PRMT1: variants seen among roughly 807,000 people sequenced by gnomAD.
The protein encoded by PRMT1 is protein arginine methyltransferase 1.
PRMT1 carries 5 observed loss-of-function variants against 47.4 expected under a neutral mutation model. That is an observed-to-expected ratio of 0.11 (90% CI 0.06 to 0.22). The LOEUF (loss-of-function observed/expected upper bound fraction) is 0.22. Among genes scored for constraint, PRMT1 ranks in the 10% least tolerant of loss-of-function variants. The probability of loss-of-function intolerance (pLI) is 1.00; values close to 1 mark genes in which losing one functional copy is unlikely to be tolerated. For missense variants in PRMT1, 249 were observed against 518.4 expected, an observed-to-expected ratio of 0.48 and a Z score of 5.05; for synonymous variants, 227 against 204.6, an observed-to-expected ratio of 1.11 and a Z score of -0.94.
rs781119049 is a variant in PRMT1 at position 49,684,724 on chromosome 19, C to A, written c.556-30C>A. ...CTCAGGGTAGTGTTGCCAGGCCCCACCCTTCATGCCTCGCCCTGCCCCTCT... is the reference window on the plus strand; with the variant it reads ...CTCAGGGTAGTGTTGCCAGGCCCCAACCTTCATGCCTCGCCCTGCCCCTCT... On this transcript the variant is annotated intron_variant, in intron 6 of 10. Coordinates refer to ENST00000454376, the MANE Select transcript of PRMT1 (RefSeq NM_001536.6). The surrounding 1 kb of genome is among the most constrained non-coding windows in gnomAD (Gnocchi z 6.2). 31 of 1,545,948 alleles carry A rather than the reference C, an allele frequency of 2.0e-5. No individual in the cohort carries two copies. The highest frequency in any genetic ancestry group is 4.9e-5 in the East Asian group (2 of 40,910).
intron 5 of PRMT1, among the ~76,000 whole-genome samples, chr19:49,682,639 A>G (rs1259157212): frequency 3.3e-5 from 5 of 152,172 alleles, no homozygotes; most frequent in Non-Finnish European, 7.3e-5. Context: ...ATTCTCGTGC[A>G]TAATTTTCAC....
chr19:49,682,349 A>G (rs1166331599), intron 5 of PRMT1, 90 bp downstream of exon 5: 1 of 1,360,154 alleles, frequency 7.4e-7, no homozygotes, highest in Non-Finnish European at 1.0e-6. Context: ...GGGTCTACAG[A>G]TGACCACAGA....
chr19:49,687,981 T>G, intron 10 of PRMT1, 181 bp from the exon 11 acceptor site: 1 of 649,012 alleles, frequency 1.5e-6, no homozygotes. Context: ...GGGGTGTCCA[T>G]GTGGTGCTGT....
chr19:49,684,098 C>G lies in PRMT1; in HGVS notation c.555+29C>G, dbSNP rs753167018. 5 of 1,612,376 alleles carry G rather than the reference C, an allele frequency of 3.1e-6. No homozygotes were observed. Among genetic ancestry groups the G allele is most frequent in the Non-Finnish European group, 2.5e-6 (3 of 1,178,722 alleles). The stretch of plus-strand genomic sequence containing the variant: ...AGGCCCCAGCGGGACGGGTGCAGCT[C>G]GCGTGGGCTGGGGTCCAGGTAGAAG... On this transcript the variant is annotated intron_variant, in intron 6 of 10. Coordinates refer to ENST00000454376, the MANE Select transcript of PRMT1 (RefSeq NM_001536.6). The surrounding 1 kb of genome is among the most constrained non-coding windows in gnomAD (Gnocchi z 6.2).
intron 1 of PRMT1, among the ~76,000 whole-genome samples, chr19:49,678,896 T>C (rs2082075457): frequency 6.6e-6 from 1 of 150,918 alleles, no homozygotes; most frequent in Admixed American, 6.6e-5. Flanking sequence ...TTTTTTTTTT[T>C]TTTTTGAGAC....
chr19:49,680,510 CAGTG>C lies in PRMT1; in HGVS notation c.117_120del (p.Ser39ArgfsTer8). 1 of 1,614,068 alleles carries C rather than the reference CAGTG, an allele frequency of 6.2e-7. No individual in the cohort carries two copies. The highest frequency in any genetic ancestry group is 8.5e-7 in the Non-Finnish European group (1 of 1,179,968). ...AGGTGTCCTGTGGCCAGGCGGAAAG[CAGTG>C]AGAAGCCCAACGCTGAGGACATGAC... is the stretch of plus-strand genomic sequence containing the variant. On this transcript the variant is annotated frameshift_variant, in exon 3 of 11. Transcript: ENST00000454376. LOFTEE classifies it high-confidence loss of function. This position sits in a 1 kb window ranked among gnomAD's most constrained non-coding sequence, Gnocchi z 4.2.
chr19:49,682,399 C>A, intron 5 of PRMT1, 140 bp downstream of exon 5: 1 of 879,100 alleles, frequency 1.1e-6, no homozygotes, highest in Non-Finnish European at 1.8e-6. Flanking sequence ...GGCTGCCGGC[C>A]GCCTGAGAAT....
upstream of PRMT1, chr19:49,676,354 T>C (rs778908175): frequency 6.6e-6 from 1 of 152,258 alleles, no homozygotes; most frequent in East Asian, 1.9e-4. Context: ...AGGAACTTTT[T>C]CTGCAAATCA....
rs1040169076 is a variant in PRMT1 at position 49,681,175 on chromosome 19, G to C, written c.192+587G>C. 6.6e-6 allele frequency among the ~76,000 whole-genome samples: 1 copy of C among 152,152 alleles called. No homozygotes were observed. The highest frequency in any genetic ancestry group is 2.4e-5 in the African/African-American group (1 of 41,440). On this transcript the variant is annotated intron_variant, in intron 3 of 10. Transcript: ENST00000454376. This position sits in a 1 kb window ranked among gnomAD's most constrained non-coding sequence, Gnocchi z 4.4. ...GGTGATCCCCCCACTTCCACTTTCG[G>C]AGTAGCTGGGACCACAGGCGCGCGC...
intron 1 of PRMT1, chr19:49,678,128 GTGTCC>G (rs2082064620): frequency 6.6e-6 from 1 of 152,144 alleles, no homozygotes. Flanking sequence ...TTCATGGGGC[GTGTCC>G]TGAAGCCCAC....
chr19:49,680,097 C>A lies in PRMT1; in HGVS notation c.90+172C>A. On this transcript the variant is annotated intron_variant, in intron 2 of 10. Coordinates refer to ENST00000454376, the MANE Select transcript of PRMT1 (RefSeq NM_001536.6). The surrounding 1 kb of genome is among the most constrained non-coding windows in gnomAD (Gnocchi z 4.2). ...CCTCCAGGTTCACAGCCCCCGCTGG[C>A]CTCCCCCAGTATCGCCGCTACTTCC... 2 of 1,087,800 alleles carry A rather than the reference C, an allele frequency of 1.8e-6. No individual in the cohort carries two copies. Among genetic ancestry groups the A allele is most frequent in the Non-Finnish European group, 2.7e-6 (2 of 730,432 alleles). 67.4% of individuals were successfully genotyped at this position (1,087,800 alleles called of 1,614,324 possible). A position where few individuals can be genotyped will look rare whatever the true frequency, so the allele number is the denominator to read the frequency against.
chr19:49,686,734 T>TC lies in PRMT1; in HGVS notation c.1032+10dup, dbSNP rs1276550986. ...CCCAACGCCAAGAACAACGTGAGGCTCCGGGCAGCTGGGTGGGAGGGTGGC... is the reference window on the plus strand; with the variant it reads ...CCCAACGCCAAGAACAACGTGAGGCTCCCGGGCAGCTGGGTGGGAGGGTGGC... On this transcript the variant is annotated intron_variant, in intron 10 of 10. Transcript: ENST00000454376. 4 of 1,556,090 alleles carry TC rather than the reference T, an allele frequency of 2.6e-6. No homozygotes were observed. The highest frequency in any genetic ancestry group is 3.5e-6 in the Non-Finnish European group (4 of 1,144,816).
At position 49,681,874 on chromosome 19, in the gene PRMT1, G is replaced by T; in HGVS notation, c.193-36G>T. 1 of 1,589,442 alleles carries T rather than the reference G, an allele frequency of 6.3e-7. No homozygotes were observed. Among genetic ancestry groups the T allele is most frequent in the Non-Finnish European group, 8.6e-7 (1 of 1,163,564 alleles). On this transcript the variant is annotated intron_variant, in intron 3 of 10. Transcript: ENST00000454376. This position sits in a 1 kb window ranked among gnomAD's most constrained non-coding sequence, Gnocchi z 4.4. ...GCTGTTCTCCAGCTGGGGATATGGG[G>T]CCCCTCACGGCGTCTCTGTGCCATT... is the stretch of plus-strand genomic sequence containing the variant.
intron 9 of PRMT1, 67 bp downstream of exon 9, chr19:49,686,310 A>G: frequency 6.7e-7 from 1 of 1,503,214 alleles, no homozygotes; most frequent in Non-Finnish European, 8.9e-7. Context: ...CACGTAGTGG[A>G]GGGGGTGACA....
intron 10 of PRMT1, among the ~76,000 whole-genome samples, chr19:49,687,659 T>C (rs1280484090): frequency 6.6e-6 from 1 of 151,950 alleles, no homozygotes; most frequent in Non-Finnish European, 1.5e-5. Context: ...CAAAGACTCA[T>C]GCAGCCCCCG....
rs2082177849 is a variant in PRMT1 at position 49,684,665 on chromosome 19, G to C, written c.556-89G>C. On this transcript the variant is annotated intron_variant, in intron 6 of 10. Transcript: ENST00000454376. This position sits in a 1 kb window ranked among gnomAD's most constrained non-coding sequence, Gnocchi z 6.2. ...GCCGCTGCGACATGAGGGTGGCCCA[G>C]ACCAGGGCAGGAGGCCACATCTTGG... The C allele has an allele frequency of 7.1e-7, 1 of 1,409,022 alleles. No individual in the cohort carries two copies. 87.3% of individuals were successfully genotyped at this position (1,409,022 alleles called of 1,614,324 possible).
intron 8 of PRMT1, 46 bp from the exon 9 acceptor site, chr19:49,686,047 G>T (rs1291369830): frequency 6.3e-7 from 1 of 1,584,508 alleles, no homozygotes; most frequent in South Asian, 1.2e-5. Flanking sequence ...AGGGGATGAA[G>T]CGAGGTGGGG....
chr19:49,682,740 G>A (rs955343088), intron 5 of PRMT1, among the ~76,000 whole-genome samples: 8 of 149,168 alleles, frequency 5.4e-5, no homozygotes, highest in Middle Eastern at 3.6e-3. Flanking sequence ...TGCGGCATCC[G>A]CTCTTTTGCA....
chr19:49,682,149 TG>T, intron 4 of PRMT1, 46 bp from the exon 5 acceptor site: 3 of 1,613,590 alleles, frequency 1.9e-6, no homozygotes, highest in Non-Finnish European at 2.5e-6. Flanking sequence ...ATGGAGGTGA[TG>T]GGGGCAGGGG....
Sources: gnomAD v4.1 joint callset for allele counts (sites outside exome capture counted in the v4.1 genomes callset) on GRCh38, gnomAD v4.1.1 for gene constraint, Gnocchi (gnomAD v3.1) non-coding constraint, MANE v1.5 for transcripts, NCBI Gene and HGNC (gene_info 2026-07-23, HGNC 2026-07-21) for gene names.